ZNF569: variants seen among roughly 807,000 people sequenced by gnomAD.
The protein encoded by ZNF569 is zinc finger protein 569.
In ZNF569, 38 loss-of-function variants were observed where a neutral mutation model predicts 56.3. The observed-to-expected ratio is 0.68, with a 90% confidence interval of 0.52 to 0.88. ZNF569 has a LOEUF of 0.88. Ranked by LOEUF, ZNF569 falls within the 40% of genes least tolerant of loss-of-function variation. The probability of loss-of-function intolerance (pLI) is 0.00; values close to 1 mark genes in which losing one functional copy is unlikely to be tolerated. For missense variants in ZNF569, 666 were observed against 809.2 expected (o/e 0.82, Z 2.15); for synonymous variants, 241 against 262.9 (o/e 0.92, Z 0.81).
Position 37,422,068 on chromosome 19 carries a change from C to T in ZNF569, c.238+3800G>A, listed in dbSNP as rs767440737. On this transcript the variant is annotated intron_variant, in intron 5 of 5. Transcript: ENST00000316950. ...CCTGGCCAGCACTTTAAATTTACTT[C>T]AAGAACTTTTCCTTTGCATTCACAA... 7.9e-5 allele frequency among the ~76,000 whole-genome samples: 12 copies of T among 152,098 alleles called. 1 individual carries two copies. The highest frequency in any genetic ancestry group is 7.2e-4 in the Admixed American group (11 of 15,264).
chr19:37,438,261 T>C (rs1312470630), intron 3 of ZNF569, among the ~76,000 whole-genome samples: 1 of 152,004 alleles, frequency 6.6e-6, no homozygotes, highest in Non-Finnish European at 1.5e-5. Flanking sequence ...GGCATGGTGG[T>C]GTGCACCTGT....
chr19:37,438,125 G>A (rs1443747384), intron 3 of ZNF569, among the ~76,000 whole-genome samples: 1 of 152,146 alleles, frequency 6.6e-6, no homozygotes, highest in African/African-American at 2.4e-5. Context: ...CATAGGCCAG[G>A]AAGGGTGGCT....
rs574612512 is a variant in ZNF569 at position 37,424,195 on chromosome 19, T to C, written c.238+1673A>G. ...CAGTGGGAAGTATGACTGTACGACATTTCAGACATTTACAATGGAAGAAAG... is the reference window on the plus strand; with the variant it reads ...CAGTGGGAAGTATGACTGTACGACACTTCAGACATTTACAATGGAAGAAAG... On this transcript the variant is annotated intron_variant, in intron 5 of 5. Transcript: ENST00000316950. Among the ~76,000 whole-genome samples the C allele has an allele frequency of 4.3e-4, 65 of 152,268 alleles. 1 individual carries two copies. The South Asian group carries it at 0.013, about 30-fold the overall frequency.
At chr19:37,439,366 C>A (rs111911260) in intron 3 of ZNF569, among the ~76,000 whole-genome samples, 2,600 of 152,252 alleles carry the variant, frequency 0.017, 69 homozygotes, top group African/African-American at 0.059. Flanking sequence ...TCACCATGCC[C>A]GGCCTTAGAA....
chr19:37,456,394 A>G (rs895108960), intron 2 of ZNF569, among the ~76,000 whole-genome samples: 1 of 152,320 alleles, frequency 6.6e-6, no homozygotes, highest in Middle Eastern at 3.4e-3. Flanking sequence ...TCCTAAGAAT[A>G]GGATGATCTA....
At chr19:37,458,637 A>C (rs1398034239) in intron 2 of ZNF569, among the ~76,000 whole-genome samples, 1 of 152,198 alleles carries the variant, frequency 6.6e-6, no homozygotes, top group Non-Finnish European at 1.5e-5. Context: ...GATTTATCTA[A>C]GTAGGACTGT....
In ZNF569 at chr19:37,413,906, A is replaced by G. The variant is rs1568712868; in HGVS notation, c.752T>C (p.Phe251Ser). The G allele has an allele frequency of 6.2e-7, 1 of 1,613,426 alleles. No individual in the cohort carries two copies. The highest frequency in any genetic ancestry group is 8.5e-7 in the Non-Finnish European group (1 of 1,179,934). ...TCTAATGAGATTTGACATTTTAATG[A>G]AAGCTTTACCACATTCATTACATTT... ...SYKCNECGKA[F>S]IKMSNLIRHQ... is the part of the protein sequence containing the mutation. The change falls in exon 6 of 6, where the codon TTC (phenylalanine) becomes TCC (serine). Residue 251 changes from phenylalanine (F) to serine (S), a missense_variant. Physicochemically the swap from Phe to Ser is radical, Grantham distance 155. Transcript: ENST00000316950.
At chr19:37,446,163 A>G (rs1024070173) in intron 2 of ZNF569, among the ~76,000 whole-genome samples, 3 of 152,210 alleles carry the variant, frequency 2.0e-5, no homozygotes, top group Admixed American at 1.3e-4. Context: ...TACAGTCAAC[A>G]TATCTTTGAC....
chr19:37,433,096 T>C (rs1408195584), intron 3 of ZNF569, among the ~76,000 whole-genome samples: 1 of 151,892 alleles, frequency 6.6e-6, no homozygotes, highest in Non-Finnish European at 1.5e-5. Flanking sequence ...GTAGAGATGG[T>C]AGTCTCACTA....
intron 3 of ZNF569, among the ~76,000 whole-genome samples, chr19:37,444,305 T>C (rs184985220): frequency 3.6e-4 from 55 of 152,326 alleles, no homozygotes; most frequent in African/African-American, 1.0e-3. Context: ...CTATGATATA[T>C]ACTTTTTTGT....
At chr19:37,463,507 TATTG>T (rs748155740) in intron 2 of ZNF569, among the ~76,000 whole-genome samples, 3 of 152,222 alleles carry the variant, frequency 2.0e-5, no homozygotes, top group African/African-American at 7.2e-5. Context: ...TTGATAATAT[TATTG>T]ATTATTGATC....
intron 3 of ZNF569, among the ~76,000 whole-genome samples, chr19:37,440,439 G>C (rs1283817135): frequency 6.6e-6 from 1 of 152,138 alleles, no homozygotes; most frequent in Non-Finnish European, 1.5e-5. Context: ...TAGGGGAACA[G>C]ATGCTTAATG....
chr19:37,436,541 A>T lies in ZNF569; in HGVS notation c.15+8366T>A, dbSNP rs181298046. Among the ~76,000 whole-genome samples, 475 of 152,104 alleles carry T rather than the reference A, an allele frequency of 3.1e-3. 2 individuals are homozygous for T. The highest frequency in any genetic ancestry group is 9.9e-3 in the South Asian group (48 of 4,830). ...GATACAAAAGATTAACAAAATAAAA[A>T]AATCAGTTTTTTAAAAAAATGAAAT... On this transcript the variant is annotated intron_variant, in intron 3 of 5. Transcript: ENST00000316950.
intron 2 of ZNF569, among the ~76,000 whole-genome samples, chr19:37,450,637 C>A (rs1016424437): frequency 6.6e-6 from 1 of 151,940 alleles, no homozygotes; most frequent in Non-Finnish European, 1.5e-5. Context: ...TTTATGCTCT[C>A]GTTTCCTTTA....
At chr19:37,468,082 T>TG (rs1555845143), upstream of ZNF569, 326 of 659,132 alleles carry the variant, frequency 4.9e-4, 2 homozygotes, top group East Asian at 9.2e-3. Context: ...TTTTTTTTTT[T>TG]TTGTTTGTTT....
chr19:37,420,325 G>C (rs892294056), intron 5 of ZNF569, among the ~76,000 whole-genome samples: 1 of 152,050 alleles, frequency 6.6e-6, no homozygotes, highest in Non-Finnish European at 1.5e-5. Context: ...CACATTGATT[G>C]ACTTTTCTTT....
At chr19:37,447,067 CAAG>C (rs1304554984) in intron 2 of ZNF569, among the ~76,000 whole-genome samples, 2 of 152,096 alleles carry the variant, frequency 1.3e-5, no homozygotes, top group African/African-American at 4.8e-5. Context: ...TTCACTCCTG[CAAG>C]AATAGCCATA....
At position 37,420,813 on chromosome 19, in the gene ZNF569, ATTTAC is replaced by A. The variant is rs779938403; in HGVS notation, c.238+5050_238+5054del. On this transcript the variant is annotated intron_variant, in intron 5 of 5. Transcript: ENST00000316950. ...TTCCAGCCAGTTTTTACACTTTTTA[ATTTAC>A]TTTACCCAGATCCATCAGAGGAATC... Among the ~76,000 whole-genome samples, 167 of 152,268 alleles carry A rather than the reference ATTTAC, an allele frequency of 1.1e-3. 2 individuals carry two copies. Among genetic ancestry groups the A allele is most frequent in the Non-Finnish European group, 2.2e-3 (150 of 68,024 alleles).
chr19:37,427,759 C>A (rs774118341), intron 3 of ZNF569: 5 of 510,160 alleles, frequency 9.8e-6, no homozygotes, highest in Non-Finnish European at 2.0e-5. Flanking sequence ...AGGAAAAAAA[C>A]CCTGAAATCC....
Sources: gnomAD v4.1 joint callset for allele counts (sites outside exome capture counted in the v4.1 genomes callset) on GRCh38, gnomAD v4.1.1 for gene constraint, MANE v1.5 for transcripts, NCBI Gene and HGNC (gene_info 2026-07-23, HGNC 2026-07-21) for gene names.